ANKS1B: variants seen among roughly 807,000 people sequenced by gnomAD.
ANKS1B encodes ankyrin repeat and sterile alpha motif domain-containing protein 1B.
In ANKS1B, 36 loss-of-function variants were observed where a neutral mutation model predicts 148.3. The ratio of observed to expected loss-of-function variants is 0.24; its 90% CI spans 0.19 to 0.32. The LOEUF (loss-of-function observed/expected upper bound fraction) is 0.32, where lower values mean the gene tolerates loss of function less well. Ranked by LOEUF, ANKS1B falls within the 10% of genes least tolerant of loss-of-function variation. ANKS1B has a pLI of 1.00. For missense variants in ANKS1B, 1,157 were observed against 1,542.6 expected, an observed-to-expected ratio of 0.75 and a Z score of 4.19; for synonymous variants, 542 against 560.8, an observed-to-expected ratio of 0.97 and a Z score of 0.47.
intron 1 of ANKS1B, among the ~76,000 whole-genome samples, chr12:99,927,239 C>T (rs1420078827): frequency 6.6e-6 from 1 of 152,168 alleles, no homozygotes; most frequent in Non-Finnish European, 1.5e-5. Context: ...CTTTCCCTGA[C>T]CCCTTTACAG....
At chr12:98,847,958 G>C (rs1377657703) in intron 17 of ANKS1B, among the ~76,000 whole-genome samples, 1 of 152,088 alleles carries the variant, frequency 6.6e-6, no homozygotes, top group Non-Finnish European at 1.5e-5. Context: ...ATCATATGGT[G>C]GGTCAATTTT....
At chr12:98,887,737 A>G (rs1567559077) in intron 17 of ANKS1B, among the ~76,000 whole-genome samples, 1 of 151,844 alleles carries the variant, frequency 6.6e-6, no homozygotes, top group Non-Finnish European at 1.5e-5. Context: ...CCTCCTGAGT[A>G]GTTGGGATTA....
intron 8 of ANKS1B, among the ~76,000 whole-genome samples, chr12:99,664,613 A>G (rs1316621022): frequency 6.6e-6 from 1 of 152,148 alleles, no homozygotes; most frequent in African/African-American, 2.4e-5. Context: ...ACATGCACCC[A>G]TTTTAAATGT....
At chr12:99,468,572 T>A (rs12296538) in intron 10 of ANKS1B, among the ~76,000 whole-genome samples, 6,645 of 152,034 alleles carry the variant, frequency 0.044, 498 homozygotes, top group African/African-American at 0.15. Context: ...GAATCTACAA[T>A]GAACTCAAAC....
intron 9 of ANKS1B, among the ~76,000 whole-genome samples, chr12:99,587,182 C>T (rs1462815862): frequency 1.3e-5 from 2 of 152,138 alleles, no homozygotes; most frequent in East Asian, 3.9e-4. Flanking sequence ...AGAAAGGTTC[C>T]TGCCACATAC....
intron 17 of ANKS1B, among the ~76,000 whole-genome samples, chr12:98,838,465 TTA>T (rs936341837): frequency 5.3e-5 from 8 of 152,164 alleles, no homozygotes; most frequent in Non-Finnish European, 8.8e-5. Flanking sequence ...TTGCATTTTG[TTA>T]TGTTTTTGGA....
chr12:98,955,668 G>C (rs1410315756), intron 17 of ANKS1B, among the ~76,000 whole-genome samples: 1 of 152,194 alleles, frequency 6.6e-6, no homozygotes, highest in Non-Finnish European at 1.5e-5. Flanking sequence ...TGGCATATGA[G>C]AGACAGAGAG....
At chr12:99,951,789 A>C (rs1247550517) in intron 1 of ANKS1B, among the ~76,000 whole-genome samples, 1 of 152,140 alleles carries the variant, frequency 6.6e-6, no homozygotes, top group East Asian at 1.9e-4. Context: ...CAGGAGGCTG[A>C]GCCGGAAGAT....
intron 17 of ANKS1B, among the ~76,000 whole-genome samples, chr12:99,027,444 A>G (rs549714146): frequency 2.0e-5 from 3 of 152,216 alleles, no homozygotes; most frequent in Non-Finnish European, 4.4e-5. Flanking sequence ...AGTTCCTTAG[A>G]TATCAGGTAC....
chr12:99,770,567 G>A (rs1442262019), intron 8 of ANKS1B, among the ~76,000 whole-genome samples: 1 of 152,012 alleles, frequency 6.6e-6, no homozygotes, highest in African/African-American at 2.4e-5. Flanking sequence ...AAAGTAATTT[G>A]ATTACTTTTT....
intron 12 of ANKS1B, among the ~76,000 whole-genome samples, chr12:99,369,336 A>G (rs2092953855): frequency 6.6e-6 from 1 of 152,198 alleles, no homozygotes; most frequent in Non-Finnish European, 1.5e-5. Flanking sequence ...TCAGACAAAT[A>G]TAGAATGTGA....
chr12:99,853,841 G>A, intron 1 of ANKS1B, among the ~76,000 whole-genome samples: 1 of 151,824 alleles, frequency 6.6e-6, no homozygotes, highest in East Asian at 1.9e-4. Flanking sequence ...GATATGAATG[G>A]AAAAATCTCC....
At chr12:99,565,613 T>G (rs1340127068) in intron 9 of ANKS1B, among the ~76,000 whole-genome samples, 1 of 152,200 alleles carries the variant, frequency 6.6e-6, no homozygotes, top group Non-Finnish European at 1.5e-5. Flanking sequence ...TCCTTCTTGG[T>G]TCTGCCCTCT....
chr12:98,997,528 A>T (rs2099930429), intron 17 of ANKS1B, among the ~76,000 whole-genome samples: 1 of 151,820 alleles, frequency 6.6e-6, no homozygotes, highest in Non-Finnish European at 1.5e-5. Flanking sequence ...CAGCTTCCCA[A>T]GTAGCTGGGA....
At chr12:98,871,692 G>C (rs2099669864) in intron 17 of ANKS1B, among the ~76,000 whole-genome samples, 1 of 151,174 alleles carries the variant, frequency 6.6e-6, no homozygotes, top group Non-Finnish European at 1.5e-5. Context: ...TTGAGGAGCT[G>C]TTTTTTTTTA....
chr12:99,848,141 T>C (rs752660980), intron 1 of ANKS1B, among the ~76,000 whole-genome samples: 6 of 152,004 alleles, frequency 3.9e-5, no homozygotes, highest in Admixed American at 3.3e-4. Flanking sequence ...GCTGACTGCA[T>C]GGTGTGATAG....
intron 17 of ANKS1B, among the ~76,000 whole-genome samples, chr12:98,965,879 C>T (rs959033092): frequency 6.6e-6 from 1 of 152,182 alleles, no homozygotes; most frequent in Non-Finnish European, 1.5e-5. Flanking sequence ...CTTCCTTACA[C>T]CTCATACGAA....
intron 1 of ANKS1B, among the ~76,000 whole-genome samples, chr12:99,981,728 C>T (rs182805630): frequency 2.0e-4 from 31 of 152,172 alleles, no homozygotes; most frequent in African/African-American, 7.0e-4. Flanking sequence ...TGACAATGGA[C>T]CTCCTAAGGC....
At chr12:99,651,386 A>T (rs2098418365) in intron 9 of ANKS1B, among the ~76,000 whole-genome samples, 2 of 152,150 alleles carry the variant, frequency 1.3e-5, no homozygotes, top group African/African-American at 4.8e-5. Flanking sequence ...TTTGTTTTTC[A>T]TGTGGTACGT....
Sources: gnomAD v4.1 joint callset for allele counts (sites outside exome capture counted in the v4.1 genomes callset) on GRCh38, gnomAD v4.1.1 for gene constraint, MANE v1.5 for transcripts, NCBI Gene and HGNC (gene_info 2026-07-23, HGNC 2026-07-21) for gene names.